NCOR2: variants seen among roughly 807,000 people sequenced by gnomAD.
The protein encoded by NCOR2 is CTG repeat protein 26.
In NCOR2, 81 loss-of-function variants were observed where a neutral mutation model predicts 262.9. That is an observed-to-expected ratio of 0.31 (90% CI 0.26 to 0.37). The LOEUF (loss-of-function observed/expected upper bound fraction) is 0.37, where lower values mean the gene tolerates loss of function less well. Ranked by LOEUF, NCOR2 falls within the 10% of genes least tolerant of loss-of-function variation. NCOR2 has a pLI of 1.00. For missense variants in NCOR2, 3,385 were observed against 3,621.4 expected (o/e 0.93, Z 1.68); for synonymous variants, 1,659 against 1,559.3 (o/e 1.06, Z -1.51).
chr12:124,433,770 T>C (rs2044124908), intron 8 of NCOR2, among the ~76,000 whole-genome samples: 1 of 151,696 alleles, frequency 6.6e-6, no homozygotes, highest in Non-Finnish European at 1.5e-5. Flanking sequence ...CTGGCATTTT[T>C]CTACAAGGGC....
At chr12:124,460,018 C>A (rs2046082169) in intron 5 of NCOR2, among the ~76,000 whole-genome samples, 1 of 152,210 alleles carries the variant, frequency 6.6e-6, no homozygotes, top group Non-Finnish European at 1.5e-5. Flanking sequence ...CTCAGCCTCC[C>A]CTCCCCACAG....
chr12:124,433,662 T>TG (rs1253212142), intron 8 of NCOR2, among the ~76,000 whole-genome samples: 1 of 152,176 alleles, frequency 6.6e-6, no homozygotes, highest in African/African-American at 2.4e-5. Flanking sequence ...TGCTGTAGCC[T>TG]GTGCCTATGT....
At chr12:124,364,604 G>A (rs1019021888) in intron 20 of NCOR2, among the ~76,000 whole-genome samples, 3 of 152,230 alleles carry the variant, frequency 2.0e-5, no homozygotes, top group Non-Finnish European at 4.4e-5. Context: ...GCATTGGGGT[G>A]TGGCTCCCAA....
At chr12:124,335,882 G>A in intron 38 of NCOR2, 6 of 520,646 alleles carry the variant, frequency 1.2e-5, no homozygotes, top group Non-Finnish European at 2.1e-5. Flanking sequence ...CACAGAGAGA[G>A]ATTAGGCAAG....
chr12:124,331,709 T>G (rs2035215309), intron 43 of NCOR2: 1 of 156,622 alleles, frequency 6.4e-6, no homozygotes, highest in Admixed American at 6.1e-5. Flanking sequence ...CCTCCCAAAG[T>G]GCTGGGCCTA....
intron 16 of NCOR2, among the ~76,000 whole-genome samples, chr12:124,390,522 T>C (rs2041227765): frequency 6.9e-6 from 1 of 144,702 alleles, no homozygotes; most frequent in Admixed American, 6.9e-5. Context: ...ATCATCTTCA[T>C]AGCTTTCACC....
intron 22 of NCOR2, among the ~76,000 whole-genome samples, chr12:124,358,311 G>C (rs1261396021): frequency 6.7e-6 from 1 of 150,038 alleles, no homozygotes; most frequent in African/African-American, 2.5e-5. Flanking sequence ...GTGTATGTGC[G>C]TGTGTGTGAG....
At chr12:124,441,216 G>A (rs1277338545) in intron 7 of NCOR2, among the ~76,000 whole-genome samples, 1 of 152,228 alleles carries the variant, frequency 6.6e-6, no homozygotes, top group Non-Finnish European at 1.5e-5. Context: ...CGGCCAGGAA[G>A]TATGCAAGAA....
chr12:124,488,238 G>A (rs1257991838), intron 1 of NCOR2, among the ~76,000 whole-genome samples: 3 of 152,168 alleles, frequency 2.0e-5, no homozygotes, highest in East Asian at 1.9e-4. Flanking sequence ...ATAAGAGCCC[G>A]GGAGCCCAGA....
intron 1 of NCOR2, among the ~76,000 whole-genome samples, chr12:124,510,648 C>A (rs942584280): frequency 6.6e-6 from 1 of 152,248 alleles, no homozygotes; most frequent in Non-Finnish European, 1.5e-5. Flanking sequence ...CATACCCATG[C>A]CTGCTGCTTA....
rs149586104 is a variant in NCOR2 at position 124,332,589 on chromosome 12, G to A, written c.6756-122C>T. The A allele has an allele frequency of 1.3e-3, 1,587 of 1,246,948 alleles. 26 individuals are homozygous for A. The East Asian group carries it at 0.029, about 23-fold the overall frequency. The allele number at this position is 1,246,948 out of a possible 1,614,324, so 77.2% of individuals were successfully genotyped here. On this transcript the variant is annotated intron_variant, in intron 42 of 46. Coordinates refer to ENST00000405201, the Ensembl canonical transcript of NCOR2. ...GGAAGCAAGCTTCACCCGCCCCCAC[G>A]CCTGCATCCCCTGCCTGGTAGAAGA...
chr12:124,544,940 C>T (rs61442950), intron 1 of NCOR2, among the ~76,000 whole-genome samples: 3,896 of 152,254 alleles, frequency 0.026, 172 homozygotes, highest in African/African-American at 0.089. Context: ...GGCTGGCTCC[C>T]GCTCCAGCCC....
intron 1 of NCOR2, among the ~76,000 whole-genome samples, chr12:124,550,583 G>A (rs991181383): frequency 6.6e-6 from 1 of 152,158 alleles, no homozygotes; most frequent in Non-Finnish European, 1.5e-5. Context: ...TCTCTCTCTG[G>A]GGGGTAGGAA....
intron 5 of NCOR2, among the ~76,000 whole-genome samples, chr12:124,463,769 G>A (rs1004031363): frequency 3.3e-5 from 5 of 152,198 alleles, no homozygotes; most frequent in Non-Finnish European, 7.3e-5. Context: ...GGGGCCTCCC[G>A]CACATTAGGC....
At chr12:124,513,476 A>G (rs1168591996) in intron 1 of NCOR2, 1 of 152,252 alleles carries the variant, frequency 6.6e-6, no homozygotes. Context: ...AGATAGGGAT[A>G]GTAGAGGGAC....
upstream of NCOR2, chr12:124,495,347 C>A: frequency 6.9e-7 from 1 of 1,456,758 alleles, no homozygotes; most frequent in African/African-American, 1.4e-5. The surrounding 1 kb of genome is among the most constrained non-coding windows in gnomAD (Gnocchi z 4.4). Flanking sequence ...CATCAGCTCA[C>A]GGGCCACCCC....
chr12:124,431,278 C>T (rs548143080), intron 8 of NCOR2, among the ~76,000 whole-genome samples: 1,527 of 151,122 alleles, frequency 0.01, 14 homozygotes, highest in Middle Eastern at 0.027. Context: ...CAGGCAGACA[C>T]ACAGACACAC....
intron 22 of NCOR2, among the ~76,000 whole-genome samples, chr12:124,357,782 G>A (rs942750344): frequency 6.6e-6 from 1 of 152,252 alleles, no homozygotes; most frequent in Admixed American, 6.5e-5. Flanking sequence ...GTTGAAGGAG[G>A]TAACCTGTGA....
intron 1 of NCOR2, among the ~76,000 whole-genome samples, chr12:124,493,184 G>C (rs549035480): frequency 3.9e-5 from 6 of 152,240 alleles, no homozygotes; most frequent in Non-Finnish European, 5.9e-5. Flanking sequence ...TTGGGGCAAA[G>C]GGCAGGAGGG....
Sources: allele counts gnomAD v4.1 joint callset (sites outside exome capture counted in the v4.1 genomes callset), GRCh38; gene constraint gnomAD v4.1.1; non-coding constraint Gnocchi (gnomAD v3.1); transcripts MANE v1.5; gene names NCBI Gene and HGNC (gene_info 2026-07-23, HGNC 2026-07-21).